The following OXR1 variants were observed in gnomAD, a reference collection of about 807,000 sequenced individuals.
The protein encoded by OXR1 is oxidation resistance protein 1.
Under a neutral mutation model 104.6 loss-of-function variants are expected in OXR1, and 41 were observed. That is an observed-to-expected ratio of 0.39 (90% CI 0.31 to 0.51). OXR1 has a LOEUF of 0.51. Ranked by LOEUF, OXR1 falls within the 20% of genes least tolerant of loss-of-function variation. The pLI is 0.77. For synonymous variants in OXR1, 348 were observed against 348.4 expected, an observed-to-expected ratio of 1.00 and a Z score of 0.01; for missense variants, 955 against 1,031.9, an observed-to-expected ratio of 0.93 and a Z score of 1.02.
chr8:106,740,327 A>G lies in OXR1; in HGVS notation c.2164-16A>G. 2.5e-6 allele frequency: 4 copies of G among 1,604,118 alleles called. No individual in the cohort carries two copies. The highest frequency in any genetic ancestry group is 1.1e-5 in the South Asian group (1 of 90,036). The stretch of plus-strand genomic sequence containing the variant: ...AACAAGCTATCAAGTAAATACTAAC[A>G]CTTTGTTTTCTAAAGCTTACCAAGC... On this transcript the variant is annotated splice_polypyrimidine_tract_variant and intron_variant, in intron 13 of 16. Transcript: ENST00000517566.
intron 11 of OXR1, among the ~76,000 whole-genome samples, chr8:106,716,695 G>GA (rs1374786576): frequency 1.5e-5 from 2 of 136,392 alleles, no homozygotes; most frequent in Non-Finnish European, 3.3e-5. Flanking sequence ...AGAATGGAAA[G>GA]AAAAAAGAAT....
At chr8:106,526,605 C>T (rs1356151434) in intron 3 of OXR1, among the ~76,000 whole-genome samples, 6 of 152,210 alleles carry the variant, frequency 3.9e-5, no homozygotes, top group East Asian at 1.9e-4. Context: ...TGCAGTGGCG[C>T]AATCTCGGCT....
At chr8:106,351,669 T>G (rs1268451875) in intron 1 of OXR1, among the ~76,000 whole-genome samples, 2 of 152,160 alleles carry the variant, frequency 1.3e-5, no homozygotes, top group African/African-American at 4.8e-5. Flanking sequence ...TGGAGTCTTG[T>G]GAACCATCTC....
chr8:106,607,488 T>C (rs1820488806), intron 3 of OXR1, among the ~76,000 whole-genome samples: 1 of 152,240 alleles, frequency 6.6e-6, no homozygotes, highest in Non-Finnish European at 1.5e-5. Context: ...GTTCAAGGAT[T>C]GCTTACACTT....
At chr8:106,694,209 A>T (rs1784489) in intron 7 of OXR1, among the ~76,000 whole-genome samples, 19,891 of 151,440 alleles carry the variant, frequency 0.13, 1,580 homozygotes, top group Non-Finnish European at 0.18. Flanking sequence ...TGTAAGAGAC[A>T]CATTATATTT....
intron 2 of OXR1, among the ~76,000 whole-genome samples, chr8:106,381,759 T>C (rs925119764): frequency 2.6e-5 from 4 of 152,230 alleles, no homozygotes; most frequent in Non-Finnish European, 5.9e-5. Flanking sequence ...TATGGAATAC[T>C]CTGTATTGCT....
At chr8:106,746,457 A>G (rs998740157) in intron 16 of OXR1, among the ~76,000 whole-genome samples, 1 of 152,176 alleles carries the variant, frequency 6.6e-6, no homozygotes, top group East Asian at 1.9e-4. Flanking sequence ...GGTCCCACCT[A>G]GCCTGGGCTT....
chr8:106,653,906 A>G (rs1205775297), intron 3 of OXR1, among the ~76,000 whole-genome samples: 2 of 152,190 alleles, frequency 1.3e-5, no homozygotes, highest in Admixed American at 1.3e-4. Context: ...ATACAAGAAC[A>G]GTATTCAAAA....
intron 11 of OXR1, among the ~76,000 whole-genome samples, chr8:106,736,784 A>G (rs999756344): frequency 6.6e-6 from 1 of 152,152 alleles, no homozygotes; most frequent in Non-Finnish European, 1.5e-5. Flanking sequence ...GTTAAAATGT[A>G]GGAAAGTTGT....
chr8:106,312,787 TAC>T (rs749988782), intron 1 of OXR1, among the ~76,000 whole-genome samples: 77 of 152,208 alleles, frequency 5.1e-4, no homozygotes, highest in Non-Finnish European at 9.6e-4. Flanking sequence ...ATATTATTAA[TAC>T]AGTCATCAGC....
chr8:106,661,724 A>G (rs1825786954), intron 3 of OXR1, among the ~76,000 whole-genome samples: 1 of 152,168 alleles, frequency 6.6e-6, no homozygotes, highest in Admixed American at 6.5e-5. Context: ...TTTGAGCACA[A>G]CTCAGCCCTT....
At chr8:106,559,460 T>A (rs1186617000) in intron 3 of OXR1, among the ~76,000 whole-genome samples, 1 of 152,224 alleles carries the variant, frequency 6.6e-6, no homozygotes, top group Non-Finnish European at 1.5e-5. Context: ...AGTTCCAAAG[T>A]TGCTTCCATA....
chr8:106,402,207 T>C (rs891511650), intron 2 of OXR1, among the ~76,000 whole-genome samples: 1 of 152,170 alleles, frequency 6.6e-6, no homozygotes, highest in African/African-American at 2.4e-5. Flanking sequence ...TCTCCACAGA[T>C]CACACAGATG....
chr8:106,582,816 C>T (rs1818349618), intron 3 of OXR1, among the ~76,000 whole-genome samples: 2 of 152,136 alleles, frequency 1.3e-5, no homozygotes, highest in African/African-American at 4.8e-5. Context: ...GAAGCATCTT[C>T]CTTATCAATT....
At chr8:106,402,853 C>T (rs1055864118) in intron 2 of OXR1, among the ~76,000 whole-genome samples, 1 of 152,114 alleles carries the variant, frequency 6.6e-6, no homozygotes, top group Non-Finnish European at 1.5e-5. Context: ...CAGAATCTCG[C>T]TCTGTCGCCC....
chr8:106,639,904 T>TAA (rs1429304296), intron 3 of OXR1, among the ~76,000 whole-genome samples: 1 of 152,102 alleles, frequency 6.6e-6, no homozygotes, highest in African/African-American at 2.4e-5. Flanking sequence ...GACAGACACA[T>TAA]AAACAAAAAA....
chr8:106,522,806 T>C (rs1468862929), intron 3 of OXR1: 1 of 149,726 alleles, frequency 6.7e-6, no homozygotes, highest in African/African-American at 2.4e-5. Flanking sequence ...CAACTGACCA[T>C]AGAAAGTACT....
intron 3 of OXR1, among the ~76,000 whole-genome samples, chr8:106,579,090 C>T (rs1439785315): frequency 6.6e-6 from 1 of 150,546 alleles, no homozygotes; most frequent in Non-Finnish European, 1.5e-5. Context: ...TGACTGTCTC[C>T]TTTTTTGCCT....
intron 1 of OXR1, among the ~76,000 whole-genome samples, chr8:106,276,770 AAAG>A (rs1422932958): frequency 1.1e-4 from 17 of 149,086 alleles, no homozygotes; most frequent in Non-Finnish European, 2.3e-4. Context: ...AAAAAAAAAA[AAAG>A]GTAACTGATG....
Sources: gnomAD v4.1 joint callset for allele counts (sites outside exome capture counted in the v4.1 genomes callset) on GRCh38, gnomAD v4.1.1 for gene constraint, MANE v1.5 for transcripts, NCBI Gene and HGNC (gene_info 2026-07-23, HGNC 2026-07-21) for gene names.